Variants in CHST9 observed in about 807,000 individuals in gnomAD.
CHST9 encodes GalNAc-4-sulfotransferase 2.
CHST9 carries 41 observed loss-of-function variants against 44.4 expected under a neutral mutation model. That is an observed-to-expected ratio of 0.92 (90% CI 0.72 to 1.20). CHST9 has a LOEUF of 1.20. Among genes scored for constraint, CHST9 ranks in the 50% most tolerant of loss-of-function variants. The probability of loss-of-function intolerance (pLI) is 0.00; values close to 1 mark genes in which losing one functional copy is unlikely to be tolerated. For missense variants in CHST9, 504 were observed against 516.5 expected (o/e 0.98, Z 0.23); for synonymous variants, 171 against 178.4 (o/e 0.96, Z 0.33).
At chr18:27,169,870 G>A (rs987058124) in intron 1 of CHST9, among the ~76,000 whole-genome samples, 2 of 152,120 alleles carry the variant, frequency 1.3e-5, no homozygotes, top group African/African-American at 2.4e-5. Flanking sequence ...GCCTCCCAAA[G>A]TGCTGGGATT....
chr18:27,125,372 C>T (rs1388235882), intron 2 of CHST9, among the ~76,000 whole-genome samples: 5 of 152,120 alleles, frequency 3.3e-5, no homozygotes, highest in Admixed American at 6.6e-5. Flanking sequence ...CCATATGGTA[C>T]GTAATAAACA....
chr18:27,038,074 T>C (rs2057407873), intron 3 of CHST9, among the ~76,000 whole-genome samples: 2 of 152,228 alleles, frequency 1.3e-5, no homozygotes, highest in African/African-American at 4.8e-5. Flanking sequence ...TAAAGACTTC[T>C]GCTATGGGGT....
chr18:27,180,064 A>G (rs2058899901), intron 1 of CHST9, among the ~76,000 whole-genome samples: 1 of 152,138 alleles, frequency 6.6e-6, no homozygotes, highest in African/African-American at 2.4e-5. Flanking sequence ...TCTACATTTG[A>G]CTTGGCAAAT....
At chr18:27,127,450 G>C (rs149628342) in intron 2 of CHST9, among the ~76,000 whole-genome samples, 1 of 152,232 alleles carries the variant, frequency 6.6e-6, no homozygotes, top group African/African-American at 2.4e-5. Flanking sequence ...TGGATTTAAT[G>C]GTGGGAAGGT....
intron 1 of CHST9, among the ~76,000 whole-genome samples, chr18:27,182,132 A>T (rs2058916858): frequency 1.3e-5 from 1 of 78,112 alleles, no homozygotes; most frequent in African/African-American, 4.5e-5. Flanking sequence ...TATTTTTCTC[A>T]TTAACATGAA....
intron 2 of CHST9, among the ~76,000 whole-genome samples, chr18:27,053,194 GAA>G (rs1452862871): frequency 2.5e-5 from 3 of 121,490 alleles, no homozygotes; most frequent in East Asian, 2.4e-4. Flanking sequence ...AGAAGAAGAA[GAA>G]AGAACAAGAA....
chr18:26,988,636 A>G (rs1252391895), intron 4 of CHST9, among the ~76,000 whole-genome samples: 1 of 152,190 alleles, frequency 6.6e-6, no homozygotes, highest in Non-Finnish European at 1.5e-5. Flanking sequence ...AAAGAATAGA[A>G]TAGACAGATA....
intron 4 of CHST9, among the ~76,000 whole-genome samples, chr18:27,005,318 T>A (rs2057003629): frequency 6.6e-6 from 1 of 152,242 alleles, no homozygotes; most frequent in South Asian, 2.1e-4. Context: ...TAATAAATGA[T>A]AGTTATTAAA....
chr18:27,170,493 A>T (rs9967454), intron 1 of CHST9, among the ~76,000 whole-genome samples: 4 of 151,978 alleles, frequency 2.6e-5, no homozygotes, highest in South Asian at 4.1e-4. Context: ...CCCTGACAAA[A>T]GTAGGACACT....
At chr18:26,924,807 C>A (rs2055732802) in intron 5 of CHST9, 1 of 152,218 alleles carries the variant, frequency 6.6e-6, no homozygotes, top group African/African-American at 2.4e-5. Context: ...AAGACTGCGA[C>A]TGCATTTCCA....
At chr18:27,155,698 T>C (rs542127935) in intron 1 of CHST9, among the ~76,000 whole-genome samples, 1 of 152,300 alleles carries the variant, frequency 6.6e-6, no homozygotes, top group African/African-American at 2.4e-5. Context: ...TTCAGCCATT[T>C]AGTATAGGAC....
chr18:26,935,632 T>C (rs1021122483), intron 5 of CHST9: 4 of 152,226 alleles, frequency 2.6e-5, no homozygotes, highest in African/African-American at 9.6e-5. Flanking sequence ...CATTATCCAG[T>C]AATGATAAAA....
chr18:27,056,696 A>C (rs1249264971), intron 2 of CHST9, among the ~76,000 whole-genome samples: 2 of 152,182 alleles, frequency 1.3e-5, no homozygotes, highest in Non-Finnish European at 2.9e-5. Flanking sequence ...CCTCTTTATA[A>C]GTATTCTGTA....
At chr18:27,037,749 AC>A (rs1313348696) in intron 3 of CHST9, among the ~76,000 whole-genome samples, 2 of 152,118 alleles carry the variant, frequency 1.3e-5, no homozygotes, top group Non-Finnish European at 2.9e-5. Flanking sequence ...GATTGGAGAC[AC>A]CTGTTTGCTT....
intron 2 of CHST9, among the ~76,000 whole-genome samples, chr18:27,107,175 G>A (rs577444782): frequency 9.2e-5 from 14 of 152,310 alleles, no homozygotes; most frequent in African/African-American, 3.1e-4. Flanking sequence ...GTGACTATAC[G>A]TCAAATTGTT....
chr18:26,921,508 T>G (rs555316603), intron 5 of CHST9, among the ~76,000 whole-genome samples: 4 of 152,304 alleles, frequency 2.6e-5, no homozygotes, highest in African/African-American at 9.6e-5. Flanking sequence ...CTCAATGTCA[T>G]CCACCTTATA....
intron 1 of CHST9, among the ~76,000 whole-genome samples, chr18:27,184,487 C>A (rs2058939442): frequency 6.6e-6 from 1 of 152,140 alleles, no homozygotes; most frequent in Non-Finnish European, 1.5e-5. Flanking sequence ...CTCCCCGCAA[C>A]CCACTTGGAG....
In CHST9 at chr18:26,956,344, T is replaced by TATATATAC. The variant is rs1555671803; in HGVS notation, c.203-11979_203-11978insGTATATAT. ...AAAAAAAAATATATATATATATATA[T>TATATATAC]ACACACACAATTATATCATATATAC... On this transcript the variant is annotated intron_variant, in intron 4 of 5. Coordinates refer to ENST00000618847, the MANE Select transcript of CHST9 (RefSeq NM_031422.6). Among the ~76,000 whole-genome samples, 254 of 141,966 alleles carry TATATATAC rather than the reference T, an allele frequency of 1.8e-3. 2 individuals carry two copies. Among genetic ancestry groups the TATATATAC allele is most frequent in the African/African-American group, 6.7e-3 (249 of 37,214 alleles). The allele number at this position is 141,966 out of a possible 152,430, so 93.1% of individuals were successfully genotyped here.
At chr18:27,157,357 TATG>T (rs2058705825) in intron 1 of CHST9, among the ~76,000 whole-genome samples, 2 of 152,162 alleles carry the variant, frequency 1.3e-5, no homozygotes. Context: ...CTGAAATTAA[TATG>T]ATTTGTTTCT....
Sources: allele counts gnomAD v4.1 joint callset (sites outside exome capture counted in the v4.1 genomes callset), GRCh38; gene constraint gnomAD v4.1.1; transcripts MANE v1.5; gene names NCBI Gene and HGNC (gene_info 2026-07-23, HGNC 2026-07-21).